Variants in RIMKLA observed in about 807,000 individuals in gnomAD.
The protein encoded by RIMKLA is ribosomal modification protein rimK like family member A.
RIMKLA carries 14 observed loss-of-function variants against 32.7 expected under a neutral mutation model. The ratio of observed to expected loss-of-function variants is 0.43; its 90% confidence interval spans 0.28 to 0.67. The LOEUF (loss-of-function observed/expected upper bound fraction) is 0.67. Ranked by LOEUF, RIMKLA falls within the 30% of genes least tolerant of loss-of-function variation. RIMKLA has a pLI of 0.18. For synonymous variants in RIMKLA, 176 were observed against 204.1 expected (o/e 0.86, Z 1.18); for missense variants, 410 against 519.0 (o/e 0.79, Z 2.04).
At chr1:42,383,033 TTTTA>T (rs531801323) in intron 1 of RIMKLA, among the ~76,000 whole-genome samples, 6,064 of 149,680 alleles carry the variant, frequency 0.041, 139 homozygotes, top group South Asian at 0.07. Flanking sequence ...TTAATTTTTA[TTTTA>T]TTTATTTATT....
At chr1:42,396,025 G>A (rs930159166) in intron 1 of RIMKLA, among the ~76,000 whole-genome samples, 8 of 152,136 alleles carry the variant, frequency 5.3e-5, no homozygotes, top group African/African-American at 1.4e-4. Context: ...CGGATCACCT[G>A]AGGTCAAGAG....
intron 1 of RIMKLA, among the ~76,000 whole-genome samples, chr1:42,385,830 T>TCCTTCCTTCCTC (rs1557749857): frequency 1.3e-5 from 1 of 74,212 alleles, no homozygotes; most frequent in Non-Finnish European, 3.2e-5. Flanking sequence ...CTTCCTTCCT[T>TCCTTCCTTCCTC]TCTTTCTTTC....
intron 2 of RIMKLA, among the ~76,000 whole-genome samples, chr1:42,401,999 G>A (rs561810712): frequency 6.6e-6 from 1 of 152,026 alleles, no homozygotes; most frequent in African/African-American, 2.4e-5. Flanking sequence ...AAGGAAGGAT[G>A]GCTAGAGAGA....
At chr1:42,404,664 A>G in intron 3 of RIMKLA, 67 bp downstream of exon 3, 3 of 1,007,196 alleles carry the variant, frequency 3.0e-6, no homozygotes, top group Non-Finnish European at 4.7e-6. Flanking sequence ...TGCCTGGACA[A>G]GACACTCCTC....
intron 4 of RIMKLA, among the ~76,000 whole-genome samples, chr1:42,412,037 T>C (rs191706706): frequency 6.6e-6 from 1 of 152,334 alleles, no homozygotes; most frequent in East Asian, 1.9e-4. Flanking sequence ...TTGACTTTTT[T>C]AGTTACCTTA....
intron 1 of RIMKLA, among the ~76,000 whole-genome samples, chr1:42,388,514 C>A (rs568790536): frequency 3.7e-5 from 4 of 108,530 alleles, no homozygotes; most frequent in African/African-American, 1.3e-4. Context: ...CCACTGAAAG[C>A]TTGTTTTTTT....
chr1:42,400,647 A>C (rs1197796312), intron 2 of RIMKLA, among the ~76,000 whole-genome samples: 1 of 152,202 alleles, frequency 6.6e-6, no homozygotes, highest in Non-Finnish European at 1.5e-5. Context: ...TGTGGGAGGA[A>C]AGAAGCTGAT....
chr1:42,415,624 A>G lies in RIMKLA; in HGVS notation c.*650A>G, dbSNP rs1282762926. The G allele has an allele frequency of 6.6e-6, 1 of 152,188 alleles. No homozygotes were observed. Among genetic ancestry groups the G allele is most frequent in the Non-Finnish European group, 1.5e-5 (1 of 68,062 alleles). The allele number at this position is 152,188 out of a possible 1,614,324, so 9.4% of individuals were successfully genotyped here. On this transcript the variant is annotated 3_prime_UTR_variant, in exon 5 of 5. Transcript: ENST00000431473. Reference sequence around the variant, plus strand: ...TGCTTTGTAACTGGGCCTTTCTACAAATTGCTTTGCCACTCTGAATTTATA... The same window carrying G: ...TGCTTTGTAACTGGGCCTTTCTACAGATTGCTTTGCCACTCTGAATTTATA...
At position 42,416,795 on chromosome 1, in the gene RIMKLA, T is replaced by C. The variant is rs911159125; in HGVS notation, c.*1821T>C. On this transcript the variant is annotated 3_prime_UTR_variant, in exon 5 of 5. Coordinates refer to ENST00000431473, the MANE Select transcript of RIMKLA (RefSeq NM_173642.4). Reference sequence around the variant, plus strand: ...ATAGAAATTGGCTTTTAAAGTATTGTAGTTAAAACCAGATCTCACCAAGTA... The same window carrying C: ...ATAGAAATTGGCTTTTAAAGTATTGCAGTTAAAACCAGATCTCACCAAGTA... 6 of 152,246 alleles carry C rather than the reference T, an allele frequency of 3.9e-5. No individual in the cohort carries two copies. Among genetic ancestry groups the C allele is most frequent in the Admixed American group, 2.0e-4 (3 of 15,284 alleles). The allele number at this position is 152,246 out of a possible 1,614,324, so 9.4% of individuals were successfully genotyped here. A position where few individuals can be genotyped will look rare whatever the true frequency, so the allele number is the denominator to read the frequency against.
Position 42,410,090 on chromosome 1 carries a change from T to A in RIMKLA, c.588T>A (p.His196Gln). The stretch of plus-strand genomic sequence containing the variant: ...TCCAGAAGTACGTGAAGGAGTCCCA[T>A]GGAAAGGACATCCGGGTGGTGGTGG... ...YLFQKYVKES[H>Q]GKDIRVVVVG... The change falls in exon 4 of 5, where the codon CAT (histidine) becomes CAA (glutamine). Residue 196 changes from histidine (H) to glutamine (Q), a missense_variant. Physicochemically the swap from His to Gln is conservative, Grantham distance 24. Coordinates refer to ENST00000431473, the MANE Select transcript of RIMKLA (RefSeq NM_173642.4). 6.2e-7 allele frequency: 1 copy of A among 1,614,160 alleles called. No homozygotes were observed. Among genetic ancestry groups the A allele is most frequent in the South Asian group, 1.1e-5 (1 of 91,086 alleles).
chr1:42,413,491 AAG>A (rs149448244), intron 4 of RIMKLA, among the ~76,000 whole-genome samples: 86,700 of 145,990 alleles, frequency 0.59, 26,302 homozygotes, highest in Non-Finnish European at 0.64. Context: ...GTGACAGAGT[AAG>A]AGTCTCTCAA....
chr1:42,401,200 G>A (rs1334612499), intron 2 of RIMKLA, among the ~76,000 whole-genome samples: 5 of 152,032 alleles, frequency 3.3e-5, no homozygotes, highest in South Asian at 4.2e-4. Context: ...ATCTAATGCC[G>A]CCACTGATCT....
In RIMKLA at chr1:42,399,432, C is replaced by G. The variant is rs775916449; in HGVS notation, c.192C>G (p.Thr64=). ...TCCAGCTAAACCAGAAGGCCCTCACCACTTTCCCGGATGTGGTGCTTGTAC... is the reference window on the plus strand; with the variant it reads ...TCCAGCTAAACCAGAAGGCCCTCACGACTTTCCCGGATGTGGTGCTTGTAC... ...LGLQLNQKAL[T]TFPDVVLVRV... is the part of the protein sequence containing the mutation. The change falls in exon 2 of 5, where the codon ACC becomes ACG. Residue 64 remains threonine (T), a synonymous_variant. Coordinates refer to ENST00000431473, the MANE Select transcript of RIMKLA (RefSeq NM_173642.4). 3 of 1,612,154 alleles carry G rather than the reference C, an allele frequency of 1.9e-6. No homozygotes were observed. Among genetic ancestry groups the G allele is most frequent in the Non-Finnish European group, 2.5e-6 (3 of 1,179,202 alleles).
chr1:42,398,814 A>G (rs1354121177), intron 1 of RIMKLA, among the ~76,000 whole-genome samples: 4 of 152,022 alleles, frequency 2.6e-5, no homozygotes, highest in Admixed American at 2.6e-4. Flanking sequence ...AAAAAACACA[A>G]AAATTAGCTG....
intron 4 of RIMKLA, among the ~76,000 whole-genome samples, chr1:42,411,336 TAAA>T (rs552496213): frequency 7.2e-6 from 1 of 139,332 alleles, no homozygotes; most frequent in Admixed American, 7.2e-5. Context: ...CCCTATCTCT[TAAA>T]AAAAAAAAAA....
chr1:42,384,555 G>GTA (rs1267897780), intron 1 of RIMKLA, among the ~76,000 whole-genome samples: 1 of 137,308 alleles, frequency 7.3e-6, no homozygotes, highest in South Asian at 2.1e-4. Context: ...ATATATGTGT[G>GTA]TATATATACA....
chr1:42,414,921 G>C lies in RIMKLA; in HGVS notation c.1123G>C (p.Glu375Gln), dbSNP rs369104105. The C allele has an allele frequency of 1.4e-5, 23 of 1,613,812 alleles. No homozygotes were observed. Among genetic ancestry groups the C allele is most frequent in the Non-Finnish European group, 1.9e-5 (22 of 1,179,950 alleles). ...GGGGGCCCCACCCTCCATGCTGCCCGAACCTGGCTACAACATTAACAACAG... is the reference window on the plus strand; with the variant it reads ...GGGGGCCCCACCCTCCATGCTGCCCCAACCTGGCTACAACATTAACAACAG... Reference protein sequence around the residue: ...TMGAPPSMLPEPGYNINNRIA... With the variant: ...TMGAPPSMLPQPGYNINNRIA... Residue 375 changes from glutamate to glutamine, a missense_variant, in exon 5 of 5, where the codon GAA becomes CAA. Coordinates refer to ENST00000431473, the MANE Select transcript of RIMKLA (RefSeq NM_173642.4).
chr1:42,398,967 TAAAAAAA>T (rs543668676), intron 1 of RIMKLA, among the ~76,000 whole-genome samples: 1 of 98,390 alleles, frequency 1.0e-5, no homozygotes. Flanking sequence ...ACCCTGTCTT[TAAAAAAA>T]AAAAAAAAAA....
rs1356869595 is a variant in RIMKLA, at chr1:42,418,232, T to C, written c.*3258T>C. ...GTAGCATCTTGAAACTGGTCAAAAC[T>C]TGAATGCCAATAGCTCAGTCACTCA... On this transcript the variant is annotated 3_prime_UTR_variant, in exon 5 of 5. Transcript: ENST00000431473. 2 of 152,210 alleles carry C rather than the reference T, an allele frequency of 1.3e-5. No individual in the cohort carries two copies. Among genetic ancestry groups the C allele is most frequent in the East Asian group, 1.9e-4 (1 of 5,198 alleles). The allele number at this position is 152,210 out of a possible 1,614,324, so 9.4% of individuals were successfully genotyped here.
Sources: gnomAD v4.1 joint callset for allele counts (sites outside exome capture counted in the v4.1 genomes callset) on GRCh38, gnomAD v4.1.1 for gene constraint, MANE v1.5 for transcripts, NCBI Gene and HGNC (gene_info 2026-07-23, HGNC 2026-07-21) for gene names.